The following XKR6 variants were observed in gnomAD, a reference collection of about 807,000 sequenced individuals.
XKR6 encodes XK related 6.
A neutral mutation model predicts 56.7 loss-of-function variants in XKR6; 22 were observed. That is an observed-to-expected ratio of 0.39 (90% confidence interval 0.28 to 0.55). XKR6 has a LOEUF of 0.55. Ranked by LOEUF, XKR6 falls within the 20% of genes least tolerant of loss-of-function variation. The pLI, the probability that XKR6 is intolerant of heterozygous loss-of-function variation, is 0.66. For missense variants in XKR6, 852 were observed against 889.0 expected (o/e 0.96, Z 0.53); for synonymous variants, 524 against 387.8 (o/e 1.35, Z -4.13).
At chr8:11,115,864 C>A (rs1013846437) in intron 1 of XKR6, among the ~76,000 whole-genome samples, 1 of 152,176 alleles carries the variant, frequency 6.6e-6, no homozygotes, top group East Asian at 1.9e-4. Flanking sequence ...GTTGGCTTAT[C>A]TTCTATAATT....
At chr8:10,929,442 G>A (rs1800995170) in intron 1 of XKR6, among the ~76,000 whole-genome samples, 1 of 152,260 alleles carries the variant, frequency 6.6e-6, no homozygotes, top group South Asian at 2.1e-4. Flanking sequence ...TTCAAGCCCA[G>A]GCAGTCTGGC....
chr8:10,962,590 G>A (rs1424695487), intron 1 of XKR6, among the ~76,000 whole-genome samples: 3 of 152,076 alleles, frequency 2.0e-5, no homozygotes, highest in African/African-American at 7.2e-5. Context: ...TCTGTTCCAT[G>A]TTTAGTTTCA....
chr8:10,968,647 G>C (rs1163899991), intron 1 of XKR6, among the ~76,000 whole-genome samples: 1 of 152,218 alleles, frequency 6.6e-6, no homozygotes, highest in Non-Finnish European at 1.5e-5. Flanking sequence ...CCAGTTGTCA[G>C]CTCAGGAGCA....
intron 1 of XKR6, among the ~76,000 whole-genome samples, chr8:11,164,705 C>G (rs908220137): frequency 6.6e-6 from 1 of 152,198 alleles, no homozygotes. Context: ...TAGGATCCCC[C>G]TTTTCTTTTC....
intron 1 of XKR6, among the ~76,000 whole-genome samples, chr8:10,955,479 C>A (rs746481528): frequency 2.0e-5 from 3 of 152,180 alleles, no homozygotes; most frequent in African/African-American, 7.2e-5. Flanking sequence ...CCACATCCAG[C>A]CTCTCTGCCT....
At chr8:11,100,374 G>T (rs1002799046) in intron 1 of XKR6, among the ~76,000 whole-genome samples, 2 of 152,182 alleles carry the variant, frequency 1.3e-5, no homozygotes, top group Non-Finnish European at 2.9e-5. Context: ...AAAAAGAATA[G>T]AATTTATGAC....
At position 10,897,911 on chromosome 8, in the gene XKR6, A is replaced by T. The variant is rs893258003; in HGVS notation, c.*41T>A. ...TTCTTGCAAGTGCTGTTTGCCGCAAACCAAACTTAAGGTCCCCTTCTCAAC... is the reference window on the plus strand; with the variant it reads ...TTCTTGCAAGTGCTGTTTGCCGCAATCCAAACTTAAGGTCCCCTTCTCAAC... On this transcript the variant is annotated 3_prime_UTR_variant, in exon 3 of 3. Transcript: ENST00000416569. The T allele has an allele frequency of 6.6e-7, 1 of 1,520,910 alleles. No individual in the cohort carries two copies. Among genetic ancestry groups the T allele is most frequent in the Non-Finnish European group, 8.8e-7 (1 of 1,135,212 alleles). 94.2% of individuals were successfully genotyped at this position (1,520,910 alleles called of 1,614,324 possible). A position where few individuals can be genotyped will look rare whatever the true frequency, so the allele number is the denominator to read the frequency against.
At chr8:11,153,212 T>C (rs995920734) in intron 1 of XKR6, among the ~76,000 whole-genome samples, 23 of 152,322 alleles carry the variant, frequency 1.5e-4, no homozygotes, top group African/African-American at 5.5e-4. Flanking sequence ...TCAATCTTAA[T>C]GGTTCCTTCA....
intron 1 of XKR6, among the ~76,000 whole-genome samples, chr8:11,068,453 C>T (rs1464966358): frequency 6.6e-6 from 1 of 152,194 alleles, no homozygotes; most frequent in Admixed American, 6.5e-5. Flanking sequence ...AATTCTTGAG[C>T]CATTTCCCAT....
At chr8:11,141,134 G>A (rs1215512887) in intron 1 of XKR6, among the ~76,000 whole-genome samples, 1 of 152,184 alleles carries the variant, frequency 6.6e-6, no homozygotes, top group African/African-American at 2.4e-5. Flanking sequence ...GAGAACAGAT[G>A]CAAAAGACTT....
At chr8:11,148,511 T>A (rs1444826345) in intron 1 of XKR6, among the ~76,000 whole-genome samples, 2 of 152,222 alleles carry the variant, frequency 1.3e-5, no homozygotes, top group Non-Finnish European at 2.9e-5. Flanking sequence ...TGGTTGTTTG[T>A]TATGGCTGTG....
intron 2 of XKR6, among the ~76,000 whole-genome samples, chr8:10,912,656 A>ATATATGTAAAGAGAGAAAGATGGTG (rs1428431550): frequency 2.3e-5 from 1 of 44,218 alleles, no homozygotes; most frequent in Admixed American, 1.6e-4. Flanking sequence ...GGGTGTCTAT[A>ATATATGTAAAGAGAGAAAGATGGTG]TGTGTGTCTA....
intron 1 of XKR6, among the ~76,000 whole-genome samples, chr8:11,082,496 G>C (rs1326271413): frequency 6.6e-6 from 1 of 152,242 alleles, no homozygotes; most frequent in Non-Finnish European, 1.5e-5. Context: ...GCCAGACCCA[G>C]CTTGCCTCTG....
intron 1 of XKR6, chr8:11,109,734 T>G (rs1434746808): frequency 6.6e-6 from 1 of 152,196 alleles, no homozygotes; most frequent in Non-Finnish European, 1.5e-5. Flanking sequence ...AACTATTCAT[T>G]CCAGTAGGGA....
chr8:11,032,051 C>T lies in XKR6; in HGVS notation c.765-107221G>A, dbSNP rs868350848. ...AGACAGGGCTCCCAAGACAGGGCTC[C>T]CCCGTGGGGCAGGCAACAGGTTTGC... On this transcript the variant is annotated intron_variant, in intron 1 of 2. Coordinates refer to ENST00000416569, the MANE Select transcript of XKR6 (RefSeq NM_173683.4). Among the ~76,000 whole-genome samples the T allele has an allele frequency of 1.1e-4, 17 of 152,302 alleles. No homozygotes were observed. The South Asian group carries it at 3.3e-3, about 30-fold the overall frequency.
chr8:11,160,932 G>GA lies in XKR6; in HGVS notation c.764+39643dup, dbSNP rs1327575915. ...GTCTCAAAAAAAAAAAAAAAAAAAA[G>GA]AAAAAAAAAGGGTTCACACATTCAG... On this transcript the variant is annotated intron_variant, in intron 1 of 2. Coordinates refer to ENST00000416569, the MANE Select transcript of XKR6 (RefSeq NM_173683.4). 1.1e-3 allele frequency among the ~76,000 whole-genome samples: 114 copies of GA among 101,830 alleles called. 1 individual carries two copies. The highest frequency in any genetic ancestry group is 3.5e-3 in the African/African-American group (85 of 23,962). 66.8% of individuals were successfully genotyped at this position (101,830 alleles called of 152,430 possible). A position where few individuals can be genotyped will look rare whatever the true frequency, so the allele number is the denominator to read the frequency against.
At chr8:10,946,776 A>T (rs1196406669) in intron 1 of XKR6, among the ~76,000 whole-genome samples, 1 of 152,114 alleles carries the variant, frequency 6.6e-6, no homozygotes, top group Non-Finnish European at 1.5e-5. Context: ...TGGAGGAGAC[A>T]CGCCTCAGGA....
intron 1 of XKR6, among the ~76,000 whole-genome samples, chr8:11,092,533 G>C (rs927198961): frequency 1.3e-5 from 2 of 152,178 alleles, no homozygotes; most frequent in Non-Finnish European, 2.9e-5. Flanking sequence ...TGAAAGCTCT[G>C]CAGTGGGGAC....
intron 2 of XKR6, among the ~76,000 whole-genome samples, chr8:10,907,899 T>A (rs1170598274): frequency 1.3e-5 from 2 of 152,198 alleles, no homozygotes. Flanking sequence ...CTTGCCTGAA[T>A]TGCCGGAATG....
Sources: allele counts gnomAD v4.1 joint callset (sites outside exome capture counted in the v4.1 genomes callset), GRCh38; gene constraint gnomAD v4.1.1; transcripts MANE v1.5; gene names NCBI Gene and HGNC (gene_info 2026-07-23, HGNC 2026-07-21).